NUSAP1: variants seen among roughly 807,000 people sequenced by gnomAD.
The protein encoded by NUSAP1 is nucleolar and spindle-associated protein 1.
Under a neutral mutation model 52.8 loss-of-function variants are expected in NUSAP1, and 32 were observed. The ratio of observed to expected loss-of-function variants is 0.61; its 90% confidence interval spans 0.46 to 0.81. NUSAP1 has a LOEUF of 0.81. NUSAP1 is among the 40% of genes least tolerant of loss of function. The probability of loss-of-function intolerance (pLI) is 0.00; values close to 1 mark genes in which losing one functional copy is unlikely to be tolerated. For synonymous variants in NUSAP1, 195 were observed against 183.1 expected, an observed-to-expected ratio of 1.06 and a Z score of -0.52; for missense variants, 499 against 522.3, an observed-to-expected ratio of 0.96 and a Z score of 0.43.
chr15:41,341,400 T>C (rs978879896), intron 1 of NUSAP1, among the ~76,000 whole-genome samples: 3 of 152,004 alleles, frequency 2.0e-5, no homozygotes, highest in African/African-American at 7.3e-5. Context: ...ATGTAACCAA[T>C]CAAATTAACA....
intron 1 of NUSAP1, among the ~76,000 whole-genome samples, chr15:41,337,575 C>T (rs1371750214): frequency 6.6e-6 from 1 of 152,210 alleles, no homozygotes; most frequent in East Asian, 1.9e-4. Context: ...CTCCTGATCC[C>T]ATGTCCTCAT....
intron 7 of NUSAP1, 83 bp downstream of exon 7, chr15:41,365,672 T>G (rs1190255352): frequency 1.0e-6 from 1 of 973,190 alleles, no homozygotes; most frequent in Non-Finnish European, 1.5e-6. Context: ...TGGCAAATAA[T>G]ATTCGTACAT....
chr15:41,337,931 C>CTTTT (rs757341496), intron 1 of NUSAP1, among the ~76,000 whole-genome samples: 8 of 110,932 alleles, frequency 7.2e-5, no homozygotes, highest in South Asian at 2.8e-4. Context: ...TTTCTTTTTT[C>CTTTT]TTTTTTTTTT....
At chr15:41,335,961 T>C (rs1379235097) in intron 1 of NUSAP1, among the ~76,000 whole-genome samples, 1 of 151,080 alleles carries the variant, frequency 6.6e-6, no homozygotes, top group East Asian at 1.9e-4. Flanking sequence ...AGTATGATAT[T>C]ATTAAAAATA....
intron 1 of NUSAP1, among the ~76,000 whole-genome samples, 153 bp downstream of exon 1, chr15:41,333,203 AG>A (rs1337170214): frequency 5.3e-5 from 8 of 152,220 alleles, no homozygotes; most frequent in Non-Finnish European, 8.8e-5. Flanking sequence ...AGTCCCAGTT[AG>A]AACTCTGATA....
intron 7 of NUSAP1, among the ~76,000 whole-genome samples, chr15:41,369,838 C>T (rs533950863): frequency 1.1e-4 from 16 of 151,652 alleles, no homozygotes; most frequent in African/African-American, 1.7e-4. Context: ...GAGGCCGAGG[C>T]GGGCAGATCA....
At chr15:41,353,777 G>A (rs1358736474) in intron 4 of NUSAP1, among the ~76,000 whole-genome samples, 5 of 152,004 alleles carry the variant, frequency 3.3e-5, no homozygotes, top group African/African-American at 4.8e-5. Flanking sequence ...CATATTATAC[G>A]GGGCCCTTTA....
chr15:41,376,177 C>T (rs1440182581), intron 9 of NUSAP1, among the ~76,000 whole-genome samples: 1 of 151,156 alleles, frequency 6.6e-6, no homozygotes, highest in Non-Finnish European at 1.5e-5. Flanking sequence ...GGGCAGATCA[C>T]TTGAGGTCAG....
At chr15:41,377,421 C>A in intron 10 of NUSAP1, 117 bp downstream of exon 10, 2 of 543,022 alleles carry the variant, frequency 3.7e-6, no homozygotes, top group Admixed American at 4.1e-5. Flanking sequence ...GTATTATGGC[C>A]GTGTGCGGTG....
chr15:41,341,677 C>T (rs1377932354), intron 1 of NUSAP1, among the ~76,000 whole-genome samples: 2 of 152,162 alleles, frequency 1.3e-5, no homozygotes, highest in African/African-American at 4.8e-5. Flanking sequence ...TGCCTTAGCC[C>T]CGCTCCAGTT....
At chr15:41,365,360 T>C in intron 6 of NUSAP1, 42 bp from the exon 7 acceptor site, 3 of 1,519,178 alleles carry the variant, frequency 2.0e-6, no homozygotes, top group African/African-American at 1.4e-5. Context: ...TTTCACCATG[T>C]TGGAGAGGCC....
chr15:41,340,950 G>A (rs1456658129), intron 1 of NUSAP1, among the ~76,000 whole-genome samples: 2 of 152,186 alleles, frequency 1.3e-5, no homozygotes, highest in African/African-American at 2.4e-5. Context: ...ATGATAAAAG[G>A]CATGAGAAGA....
rs543732567 is a variant in NUSAP1, at chr15:41,336,150, C to T, written c.93+3100C>T. 1.5e-4 allele frequency among the ~76,000 whole-genome samples: 23 copies of T among 151,430 alleles called. No individual in the cohort carries two copies. In the South Asian group the frequency reaches 4.6e-3, roughly 30 times the overall value. ...CAGGGGGCACCTGTAATCCCAGCTA[C>T]TCGGGAGGCTGAGGCAGGAGAGGAG... On this transcript the variant is annotated intron_variant, in intron 1 of 10. Coordinates refer to ENST00000559596, the MANE Select transcript of NUSAP1 (RefSeq NM_016359.5).
At chr15:41,345,717 C>T in intron 2 of NUSAP1, 1 of 254,360 alleles carries the variant, frequency 3.9e-6, no homozygotes, top group Non-Finnish European at 7.8e-6. Flanking sequence ...CTCGGCCTCC[C>T]AAAGTGCTGG....
At chr15:41,377,581 T>C (rs868319362) in intron 10 of NUSAP1, among the ~76,000 whole-genome samples, 71 of 140,102 alleles carry the variant, frequency 5.1e-4, no homozygotes, top group Middle Eastern at 4.3e-3. Context: ...CGCCTGTAGT[T>C]CCAGCTACTC....
chr15:41,335,185 AAC>A (rs1362627339), intron 1 of NUSAP1, among the ~76,000 whole-genome samples: 7 of 150,606 alleles, frequency 4.6e-5, no homozygotes, highest in Non-Finnish European at 3.0e-5. Context: ...ATTAAAATGA[AAC>A]ACTACAATTT....
chr15:41,373,785 A>T (rs974694124), intron 8 of NUSAP1, among the ~76,000 whole-genome samples: 6 of 151,666 alleles, frequency 4.0e-5, no homozygotes, highest in African/African-American at 1.5e-4. Flanking sequence ...GCCCTTATTA[A>T]TAATATTCCT....
At chr15:41,371,712 C>G in intron 8 of NUSAP1, 28 bp downstream of exon 8, 1 of 1,562,990 alleles carries the variant, frequency 6.4e-7, no homozygotes, top group Non-Finnish European at 8.6e-7. Context: ...CAAAAGAAAT[C>G]TGTTTCATTT....
In NUSAP1 at chr15:41,342,448, G is replaced by A. The variant is rs1330772937; in HGVS notation, c.156G>A (p.Glu52=). ...AACATGAGGCAAGAAAAGGAAATGA[G>A]AATCAGGTGAGTAATGTTTTTCATG... is the stretch of plus-strand genomic sequence containing the variant. ...YIKHEARKGN[E]NQDESQTSAS... The change falls in exon 2 of 11, where the codon GAG becomes GAA. Residue 52 remains glutamate (E), a synonymous_variant. Coordinates refer to ENST00000559596, the MANE Select transcript of NUSAP1 (RefSeq NM_016359.5). 5 of 1,584,832 alleles carry A rather than the reference G, an allele frequency of 3.2e-6. No homozygotes were observed. The African/African-American group carries it at 5.4e-5, about 17-fold the overall frequency.
Sources: allele counts gnomAD v4.1 joint callset (sites outside exome capture counted in the v4.1 genomes callset), GRCh38; gene constraint gnomAD v4.1.1; transcripts MANE v1.5; gene names NCBI Gene and HGNC (gene_info 2026-07-23, HGNC 2026-07-21).